ANO10: variants seen among roughly 807,000 people sequenced by gnomAD.
The protein encoded by ANO10 is anoctamin 10, also known as anoctamin-10.
ANO10 carries 77 observed loss-of-function variants against 74.7 expected under a neutral mutation model. The ratio of observed to expected loss-of-function variants is 1.03; its 90% CI spans 0.86 to 1.25. ANO10 has a LOEUF of 1.25. ANO10 is among the 50% of genes most tolerant of loss of function. The pLI is 0.00. For missense variants in ANO10, 721 were observed against 778.1 expected (o/e 0.93, Z 0.87); for synonymous variants, 279 against 284.9 (o/e 0.98, Z 0.21).
chr3:43,677,653 A>G (rs1274468656), intron 1 of ANO10, among the ~76,000 whole-genome samples: 1 of 152,176 alleles, frequency 6.6e-6, no homozygotes, highest in East Asian at 1.9e-4. Context: ...ACTCAGCTGC[A>G]TTCAGGTGGT....
At chr3:43,632,580 T>C (rs2083560253) in intron 1 of ANO10, among the ~76,000 whole-genome samples, 1 of 152,266 alleles carries the variant, frequency 6.6e-6, no homozygotes, top group African/African-American at 2.4e-5. Flanking sequence ...CATTTGTGAA[T>C]AGTCTCTTTT....
At chr3:43,484,725 C>T (rs1368942288) in intron 11 of ANO10, among the ~76,000 whole-genome samples, 14 of 152,162 alleles carry the variant, frequency 9.2e-5, no homozygotes, top group Non-Finnish European at 2.1e-4. Flanking sequence ...TATGTCTAAC[C>T]TCTCTTCCCA....
intron 11 of ANO10, among the ~76,000 whole-genome samples, chr3:43,533,432 A>G (rs992323269): frequency 6.6e-6 from 1 of 152,188 alleles, no homozygotes; most frequent in Non-Finnish European, 1.5e-5. Flanking sequence ...CCCTAATCCA[A>G]TGCATTTTTG....
intron 1 of ANO10, chr3:43,653,057 A>C (rs1036578962): frequency 6.6e-6 from 1 of 151,920 alleles, no homozygotes; most frequent in East Asian, 1.9e-4. Context: ...ATACAAAAAA[A>C]AAAATTAGCT....
intron 1 of ANO10, among the ~76,000 whole-genome samples, chr3:43,672,111 C>A (rs1412266839): frequency 6.6e-6 from 1 of 152,180 alleles, no homozygotes; most frequent in African/African-American, 2.4e-5. Context: ...CCATTACTTT[C>A]CACAAAAGAG....
chr3:43,676,620 T>C (rs1357935713), intron 1 of ANO10, among the ~76,000 whole-genome samples: 3 of 152,170 alleles, frequency 2.0e-5, no homozygotes, highest in African/African-American at 7.2e-5. Context: ...CTTGTCGTGA[T>C]GGAAATGTTC....
intron 1 of ANO10, among the ~76,000 whole-genome samples, chr3:43,627,690 C>T (rs559786756): frequency 2.0e-5 from 3 of 152,214 alleles, no homozygotes; most frequent in African/African-American, 4.8e-5. Context: ...ACCTCTAATA[C>T]CTCTTTACAT....
chr3:43,428,012 C>A (rs1001464709), intron 12 of ANO10, among the ~76,000 whole-genome samples: 1 of 151,428 alleles, frequency 6.6e-6, no homozygotes, highest in Admixed American at 6.6e-5. Context: ...GAGTGAGAGG[C>A]GGTTGTTACA....
intron 11 of ANO10, among the ~76,000 whole-genome samples, chr3:43,459,993 T>C (rs1437139301): frequency 1.3e-5 from 2 of 152,146 alleles, no homozygotes; most frequent in Admixed American, 6.6e-5. Flanking sequence ...TTGGTTTAGA[T>C]GGGAGGTTGA....
intron 12 of ANO10, among the ~76,000 whole-genome samples, chr3:43,415,560 T>C (rs2092725656): frequency 6.6e-6 from 1 of 151,728 alleles, no homozygotes; most frequent in Non-Finnish European, 1.5e-5. Context: ...TTTTTTGAGA[T>C]GTAGTCTTGC....
chr3:43,603,653 T>C (rs1056685102), intron 2 of ANO10, among the ~76,000 whole-genome samples: 1 of 152,226 alleles, frequency 6.6e-6, no homozygotes, highest in Non-Finnish European at 1.5e-5. Flanking sequence ...TTTTATTACA[T>C]GTTCACGTTT....
chr3:43,441,310 C>T (rs1425230943), intron 11 of ANO10, among the ~76,000 whole-genome samples: 4 of 151,372 alleles, frequency 2.6e-5, no homozygotes, highest in Non-Finnish European at 4.4e-5. Flanking sequence ...AGAAAAGACT[C>T]ATATACCAAA....
intron 12 of ANO10, among the ~76,000 whole-genome samples, chr3:43,370,185 A>G (rs2091557749): frequency 6.6e-6 from 1 of 152,188 alleles, no homozygotes; most frequent in Non-Finnish European, 1.5e-5. Flanking sequence ...AGTGGTGAGC[A>G]CTGGCAGAAG....
intron 1 of ANO10, chr3:43,691,019 C>T: frequency 6.4e-7 from 1 of 1,565,292 alleles, no homozygotes; most frequent in Non-Finnish European, 8.6e-7. Flanking sequence ...AGGAGGTGGA[C>T]TCTGCCGACA....
At chr3:43,658,808 G>A (rs896794431) in intron 1 of ANO10, among the ~76,000 whole-genome samples, 13 of 152,070 alleles carry the variant, frequency 8.5e-5, no homozygotes, top group African/African-American at 1.7e-4. Flanking sequence ...GGTTCAAGAC[G>A]AGGCCAAACT....
intron 1 of ANO10, among the ~76,000 whole-genome samples, chr3:43,635,635 T>G (rs1349416693): frequency 1.3e-5 from 2 of 152,062 alleles, no homozygotes; most frequent in African/African-American, 4.8e-5. Context: ...TTTTTTTTTT[T>G]TCTGAGACGG....
chr3:43,407,088 G>C (rs1454542059), intron 12 of ANO10, among the ~76,000 whole-genome samples: 1 of 152,056 alleles, frequency 6.6e-6, no homozygotes, highest in Non-Finnish European at 1.5e-5. Flanking sequence ...ATTTTTAGTA[G>C]AGATAGAGTT....
intron 5 of ANO10, among the ~76,000 whole-genome samples, chr3:43,577,481 TGG>T (rs1228925607): frequency 6.6e-6 from 1 of 152,136 alleles, no homozygotes. Flanking sequence ...AGGCCTTAGC[TGG>T]GGGGTGTGCT....
chr3:43,626,835 A>T (rs2149556870), upstream of ANO10, among the ~76,000 whole-genome samples: 1 of 152,288 alleles, frequency 6.6e-6, no homozygotes, highest in South Asian at 2.1e-4. Context: ...CTGTACCAGA[A>T]TCATAAGATT....
Sources: gnomAD v4.1 joint callset for allele counts (sites outside exome capture counted in the v4.1 genomes callset) on GRCh38, gnomAD v4.1.1 for gene constraint, MANE v1.5 for transcripts, NCBI Gene and HGNC (gene_info 2026-07-23, HGNC 2026-07-21) for gene names.